The following CEPT1 variants were observed in gnomAD, a reference collection of about 807,000 sequenced individuals.
CEPT1 encodes the protein choline/ethanolamine phosphotransferase 1.
Under a neutral mutation model 42.6 loss-of-function variants are expected in CEPT1, and 7 were observed. The observed-to-expected ratio is 0.16, with a 90% CI of 0.09 to 0.31. The LOEUF (loss-of-function observed/expected upper bound fraction) is 0.31, where lower values mean the gene tolerates loss of function less well. CEPT1 is among the 10% of genes least tolerant of loss of function. CEPT1 has a pLI of 1.00. For missense variants in CEPT1, 306 were observed against 502.1 expected (o/e 0.61, Z 3.73); for synonymous variants, 171 against 171.9 (o/e 0.99, Z 0.04).
At chr1:111,175,603 CG>C (rs2101380738) in intron 5 of CEPT1, among the ~76,000 whole-genome samples, 1 of 152,280 alleles carries the variant, frequency 6.6e-6, no homozygotes, top group East Asian at 1.9e-4. Flanking sequence ...TAATCTGTTG[CG>C]TAACTCTCTC....
At chr1:111,144,108 C>G (rs979207668) in intron 1 of CEPT1, among the ~76,000 whole-genome samples, 10 of 152,138 alleles carry the variant, frequency 6.6e-5, no homozygotes, top group Non-Finnish European at 2.9e-5. Context: ...CCACATTGTC[C>G]TGATCTTCCT....
intron 2 of CEPT1, among the ~76,000 whole-genome samples, chr1:111,148,514 TG>T (rs1655098625): frequency 6.6e-6 from 1 of 152,214 alleles, no homozygotes; most frequent in Non-Finnish European, 1.5e-5. Context: ...CATGTATGCC[TG>T]AAGACTTCGG....
chr1:111,171,966 A>T (rs1571147799), intron 4 of CEPT1, among the ~76,000 whole-genome samples: 2 of 152,118 alleles, frequency 1.3e-5, no homozygotes, highest in African/African-American at 4.8e-5. Flanking sequence ...CAAACTCCCT[A>T]CCTCAGGTGA....
intron 4 of CEPT1, among the ~76,000 whole-genome samples, chr1:111,164,956 C>CAT (rs929589472): frequency 1.0e-4 from 15 of 148,916 alleles, no homozygotes; most frequent in East Asian, 2.0e-4. Context: ...AACTTGTAGA[C>CAT]ATATATATAT....
At position 111,182,399 on chromosome 1, in the gene CEPT1, A is replaced by G. The variant is rs1295486028; in HGVS notation, c.846+81A>G. On this transcript the variant is annotated intron_variant, in intron 6 of 8. Coordinates refer to ENST00000357172, the MANE Select transcript of CEPT1 (RefSeq NM_006090.5). ...TCATTTTGTTTTTTATTTCAAATGT[A>G]TAAAATCATTTGTTAATTTATAATT... 2.9e-6 allele frequency: 4 copies of G among 1,386,430 alleles called. No individual in the cohort carries two copies. In the South Asian group the frequency reaches 3.9e-5, roughly 13 times the overall value. 85.9% of individuals were successfully genotyped at this position (1,386,430 alleles called of 1,614,324 possible).
At chr1:111,154,892 A>G (rs1229377487) in intron 2 of CEPT1, among the ~76,000 whole-genome samples, 1 of 152,060 alleles carries the variant, frequency 6.6e-6, no homozygotes, top group Non-Finnish European at 1.5e-5. Context: ...GTTTGCTAGT[A>G]GTTTCTTGAG....
rs548183919 is a variant in CEPT1 at position 111,151,090 on chromosome 1, C to G, written c.339+3037C>G. 1.3e-3 allele frequency among the ~76,000 whole-genome samples: 203 copies of G among 152,024 alleles called. 1 individual carries two copies. Among genetic ancestry groups the G allele is most frequent in the Non-Finnish European group, 2.3e-3 (159 of 67,946 alleles). ...CCTCAGGAGGTCCTGAGAACACGTG[C>G]CCAAGGTAGTCAGAGCACTGCTTGT... On this transcript the variant is annotated intron_variant, in intron 2 of 8. Transcript: ENST00000357172.
At position 111,170,180 on chromosome 1, in the gene CEPT1, T is replaced by C. The variant is rs12403803; in HGVS notation, c.630-4699T>C. 6.9e-3 allele frequency among the ~76,000 whole-genome samples: 1,049 copies of C among 152,308 alleles called. 14 individuals carry two copies. Among genetic ancestry groups the C allele is most frequent in the African/African-American group, 0.021 (876 of 41,584 alleles). On this transcript the variant is annotated intron_variant, in intron 4 of 8. Coordinates refer to ENST00000357172, the MANE Select transcript of CEPT1 (RefSeq NM_006090.5). The stretch of plus-strand genomic sequence containing the variant: ...AGAGATTGTGAGAGGATTCTCCTTT[T>C]GGGTCTTATTGTTTTCAAAGGTGAT...
At chr1:111,177,732 A>G (rs325884) in intron 5 of CEPT1, among the ~76,000 whole-genome samples, 7,731 of 152,210 alleles carry the variant, frequency 0.051, 238 homozygotes, top group East Asian at 0.15. Flanking sequence ...TTTAAATTAT[A>G]TGTTTTATCT....
intron 2 of CEPT1, among the ~76,000 whole-genome samples, chr1:111,152,707 C>T (rs756082463): frequency 1.7e-4 from 26 of 152,160 alleles, no homozygotes; most frequent in Non-Finnish European, 2.8e-4. Flanking sequence ...CATGGAACTC[C>T]AATTATGCTT....
chr1:111,170,002 G>T (rs1656342049), intron 4 of CEPT1, among the ~76,000 whole-genome samples: 1 of 152,150 alleles, frequency 6.6e-6, no homozygotes, highest in African/African-American at 2.4e-5. Flanking sequence ...AAAGGGTGAA[G>T]AATGTAATGT....
intron 2 of CEPT1, among the ~76,000 whole-genome samples, chr1:111,148,972 C>A (rs1215778741): frequency 6.6e-6 from 1 of 152,144 alleles, no homozygotes; most frequent in Admixed American, 6.6e-5. Context: ...ACATTCCTTA[C>A]CTTGTTTTAA....
rs111275755 is a variant in CEPT1, at chr1:111,176,578, A to C, written c.714+1615A>C. Among the ~76,000 whole-genome samples the C allele has an allele frequency of 1.1e-4, 16 of 152,296 alleles. 1 individual carries two copies. Among genetic ancestry groups the C allele is most frequent in the African/African-American group, 3.8e-4 (16 of 41,582 alleles). On this transcript the variant is annotated intron_variant, in intron 5 of 8. Transcript: ENST00000357172. The stretch of plus-strand genomic sequence containing the variant: ...GTCAGTGTTTGGTTTATACAGGTTA[A>C]GTATCCCTTGTCTGTAATTATTGGG...
chr1:111,174,991 T>C, intron 5 of CEPT1, 28 bp downstream of exon 5: 1 of 1,277,148 alleles, frequency 7.8e-7, no homozygotes, highest in Non-Finnish European at 1.1e-6. Flanking sequence ...GTGTATCCCA[T>C]GTAATGCATG....
At chr1:111,141,471 G>A (rs941346919) in intron 1 of CEPT1, among the ~76,000 whole-genome samples, 2 of 152,090 alleles carry the variant, frequency 1.3e-5, no homozygotes, top group Non-Finnish European at 2.9e-5. Context: ...TTGTTTTCTA[G>A]GCTTTAGATT....
At chr1:111,165,482 G>T (rs1380718641) in intron 4 of CEPT1, among the ~76,000 whole-genome samples, 2 of 151,976 alleles carry the variant, frequency 1.3e-5, no homozygotes, top group Non-Finnish European at 2.9e-5. Flanking sequence ...GCCAATATAT[G>T]TTGGCTCAAA....
chr1:111,169,873 T>C (rs950674051), intron 4 of CEPT1, among the ~76,000 whole-genome samples: 4 of 152,204 alleles, frequency 2.6e-5, no homozygotes, highest in Non-Finnish European at 4.4e-5. Flanking sequence ...GGAAAAACAC[T>C]CCGGTTTCTC....
At chr1:111,143,288 C>A (rs910163348) in intron 1 of CEPT1, among the ~76,000 whole-genome samples, 2 of 152,220 alleles carry the variant, frequency 1.3e-5, no homozygotes, top group Non-Finnish European at 2.9e-5. Flanking sequence ...TCTTCCTCCT[C>A]CCCTAAAACG....
intron 2 of CEPT1, among the ~76,000 whole-genome samples, chr1:111,155,463 A>G (rs909779931): frequency 4.6e-5 from 7 of 151,362 alleles, no homozygotes; most frequent in Non-Finnish European, 1.0e-4. Context: ...GTGTGTGTGT[A>G]TACACACAAC....
Sources: allele counts gnomAD v4.1 joint callset (sites outside exome capture counted in the v4.1 genomes callset), GRCh38; gene constraint gnomAD v4.1.1; transcripts MANE v1.5; gene names NCBI Gene and HGNC (gene_info 2026-07-23, HGNC 2026-07-21).